Variants in ACACB observed in about 807,000 individuals in gnomAD.
ACACB encodes the protein acetyl-CoA carboxylase 2.
Under a neutral mutation model 278.8 loss-of-function variants are expected in ACACB, and 209 were observed. The ratio of observed to expected loss-of-function variants is 0.75; its 90% CI spans 0.67 to 0.84. The LOEUF is 0.84. Ranked by LOEUF, ACACB falls within the 40% of genes least tolerant of loss-of-function variation. The probability of loss-of-function intolerance (pLI) is 0.00; values close to 1 mark genes in which losing one functional copy is unlikely to be tolerated. For synonymous variants in ACACB, 1,174 were observed against 1,285.6 expected, an observed-to-expected ratio of 0.91 and a Z score of 1.86; for missense variants, 2,850 against 3,269.0, an observed-to-expected ratio of 0.87 and a Z score of 3.13.
At chr12:109,229,326 C>G (rs16940069) in intron 28 of ACACB, among the ~76,000 whole-genome samples, 11,374 of 152,112 alleles carry the variant, frequency 0.075, 1,112 homozygotes, top group African/African-American at 0.22. Flanking sequence ...AGCCCTGGGC[C>G]CTCACCTGAC....
At chr12:109,139,330 A>G in intron 1 of ACACB, 67 bp from the exon 2 acceptor site, 1 of 1,469,020 alleles carries the variant, frequency 6.8e-7, no homozygotes, top group Non-Finnish European at 9.2e-7. Context: ...CTGCCCCACT[A>G]GCTTCTTTAG....
chr12:109,139,745 G>T lies in ACACB; in HGVS notation c.340G>T (p.Glu114Ter). 1 of 1,614,144 alleles carries T rather than the reference G, an allele frequency of 6.2e-7. No individual in the cohort carries two copies. The highest frequency in any genetic ancestry group is 8.5e-7 in the Non-Finnish European group (1 of 1,180,036). Residue 114 changes from glutamate (E) to a stop codon, truncating the protein, a stop_gained, in exon 2 of 53, where the codon GAG (glutamate) becomes TAG (stop). Transcript: ENST00000338432. LOFTEE classifies it high-confidence loss of function. Reference sequence around the variant, plus strand: ...TTCCAGTGACGCAGCACCCTCCCCAGAGCTTCAAGCCAACGGGACTGGGAC... The same window carrying T: ...TTCCAGTGACGCAGCACCCTCCCCATAGCTTCAAGCCAACGGGACTGGGAC... The part of the protein sequence containing the change: ...LSSSDAAPSP[E>*]LQANGTGTQG...
At chr12:109,210,106 T>C (rs1187135668) in intron 21 of ACACB, among the ~76,000 whole-genome samples, 1 of 123,866 alleles carries the variant, frequency 8.1e-6, no homozygotes. Flanking sequence ...TGTGTGTGTA[T>C]ATGTATATAT....
At chr12:109,119,033 G>T (rs561271522) in intron 1 of ACACB, among the ~76,000 whole-genome samples, 1 of 152,184 alleles carries the variant, frequency 6.6e-6, no homozygotes, top group African/African-American at 2.4e-5. Flanking sequence ...TTATTGGGTA[G>T]TTGGCATACC....
At position 109,261,549 on chromosome 12, in the gene ACACB, C is replaced by T. The variant is rs528115913; in HGVS notation, c.6675-808C>T. ...CTAAGCTGTCAAAAGCAAAAGGGGG[C>T]AGGGGGAGAATAAGGGGTAAATAAA... is the stretch of plus-strand genomic sequence containing the variant. On this transcript the variant is annotated intron_variant, in intron 48 of 52. Transcript: ENST00000338432. Among the ~76,000 whole-genome samples the T allele has an allele frequency of 5.9e-5, 9 of 151,856 alleles. No individual in the cohort carries two copies. In the East Asian group the frequency reaches 1.7e-3, roughly 29 times the overall value.
intron 24 of ACACB, among the ~76,000 whole-genome samples, chr12:109,221,191 A>G (rs2046150119): frequency 6.6e-6 from 1 of 152,178 alleles, no homozygotes; most frequent in Non-Finnish European, 1.5e-5. Flanking sequence ...ATGAAATATC[A>G]ATATGTTGAA....
chr12:109,210,503 GTATA>G (rs1346100207), intron 21 of ACACB, among the ~76,000 whole-genome samples: 1 of 146,008 alleles, frequency 6.8e-6, no homozygotes, highest in African/African-American at 2.5e-5. Flanking sequence ...ACATGTATGT[GTATA>G]TACGCACATA....
intron 4 of ACACB, among the ~76,000 whole-genome samples, chr12:109,170,643 A>G (rs1876375168): frequency 6.6e-6 from 1 of 152,158 alleles, no homozygotes; most frequent in Non-Finnish European, 1.5e-5. Context: ...TGCCAAGGAC[A>G]TGAGGGAGGG....
At chr12:109,128,767 A>T (rs867344874) in intron 1 of ACACB, among the ~76,000 whole-genome samples, 9 of 149,236 alleles carry the variant, frequency 6.0e-5, no homozygotes, top group South Asian at 2.1e-4. Context: ...TTTTTTTTTT[A>T]AAGCAATAAT....
At chr12:109,202,525 T>C (rs919830908) in intron 19 of ACACB, among the ~76,000 whole-genome samples, 1 of 152,032 alleles carries the variant, frequency 6.6e-6, no homozygotes, top group Non-Finnish European at 1.5e-5. Context: ...ATGTTGGCCA[T>C]GCTGGTCTTG....
chr12:109,231,182 T>G (rs1303213707), intron 28 of ACACB, among the ~76,000 whole-genome samples: 1 of 152,020 alleles, frequency 6.6e-6, no homozygotes, highest in Non-Finnish European at 1.5e-5. Flanking sequence ...AGCCTGGACC[T>G]GGACCTCTGT....
At chr12:109,168,084 C>T in intron 4 of ACACB, 50 bp downstream of exon 4, 12 of 1,561,662 alleles carry the variant, frequency 7.7e-6, no homozygotes, top group Non-Finnish European at 1.0e-5. Flanking sequence ...CCTTGCCTGC[C>T]CTCGCCTCCT....
rs746558792 is a variant in ACACB at position 109,253,107 on chromosome 12, T to C, written c.5994T>C (p.Asp1998=). ...GTGTCTCCCACATCACCGTGCCAGA[T>C]GACTTTGAGGGGGTTTATACCATCC... The part of the protein sequence containing the change: ...YNGVSHITVP[D]DFEGVYTILE... Residue 1998 remains aspartate (D), a synonymous_variant, in exon 43 of 53, where the codon GAT becomes GAC. Coordinates refer to ENST00000338432, the MANE Select transcript of ACACB (RefSeq NM_001093.4). 1.2e-5 allele frequency: 19 copies of C among 1,613,300 alleles called. No individual in the cohort carries two copies. In the Admixed American group the frequency reaches 3.2e-4, roughly 27 times the overall value.
chr12:109,254,335 G>GTC lies in ACACB; in HGVS notation c.6166+2_6166+3insCT, dbSNP rs1184347407. 6.2e-7 allele frequency: 1 copy of GTC among 1,611,128 alleles called. No individual in the cohort carries two copies. The highest frequency in any genetic ancestry group is 8.5e-7 in the Non-Finnish European group (1 of 1,179,104). On this transcript the variant is annotated splice_donor_variant, in intron 44 of 52. Transcript: ENST00000338432. LOFTEE classifies it high-confidence loss of function. Reference sequence around the variant, plus strand: ...ATGCTTGCAGGAAGGCCTCACCCAAGTAAGTTCTAAAGTATTTTGCCTAGG... The same window carrying GTC: ...ATGCTTGCAGGAAGGCCTCACCCAAGTCTAAGTTCTAAAGTATTTTGCCTAGG...
At chr12:109,229,858 C>T (rs535247235) in intron 28 of ACACB, among the ~76,000 whole-genome samples, 2 of 152,244 alleles carry the variant, frequency 1.3e-5, no homozygotes, top group Non-Finnish European at 2.9e-5. Flanking sequence ...TGTCTGAGTT[C>T]CTCACTCACA....
Position 109,187,979 on chromosome 12 carries a change from A to T in ACACB, c.1981-20A>T. 2 of 1,578,400 alleles carry T rather than the reference A, an allele frequency of 1.3e-6. No homozygotes were observed. The highest frequency in any genetic ancestry group is 1.7e-6 in the Non-Finnish European group (2 of 1,154,328). On this transcript the variant is annotated intron_variant, in intron 12 of 52. Transcript: ENST00000338432. ...GGAGTAATGATTTCTTCCATTTTGC[A>T]TTTTCTGTCCGGACTCCAGGGTTTT...
intron 11 of ACACB, among the ~76,000 whole-genome samples, chr12:109,183,670 G>GT (rs1054394109): frequency 3.3e-5 from 5 of 151,852 alleles, no homozygotes; most frequent in Non-Finnish European, 7.4e-5. Context: ...AATTCGAATT[G>GT]TTTTTTTGGT....
At chr12:109,174,514 AC>A (rs2044220016) in intron 7 of ACACB, among the ~76,000 whole-genome samples, 1 of 149,674 alleles carries the variant, frequency 6.7e-6, no homozygotes. Context: ...GTAGGTATCT[AC>A]CTTTCCAACC....
At chr12:109,138,023 G>A (rs938841551) in intron 1 of ACACB, among the ~76,000 whole-genome samples, 23 of 151,600 alleles carry the variant, frequency 1.5e-4, no homozygotes, top group East Asian at 5.8e-4. Context: ...TCAGACTCCC[G>A]AGTAGCTGGA....
Sources: allele counts gnomAD v4.1 joint callset (sites outside exome capture counted in the v4.1 genomes callset), GRCh38; gene constraint gnomAD v4.1.1; transcripts MANE v1.5; gene names NCBI Gene and HGNC (gene_info 2026-07-23, HGNC 2026-07-21).